SLC9A9: variants seen among roughly 807,000 people sequenced by gnomAD.
SLC9A9 encodes solute carrier family 9 member A9.
In SLC9A9, 62 loss-of-function variants were observed where a neutral mutation model predicts 77.8. The ratio of observed to expected loss-of-function variants is 0.80; its 90% CI spans 0.65 to 0.98. SLC9A9 has a LOEUF of 0.98. Ranked by LOEUF, SLC9A9 falls within the 50% of genes least tolerant of loss-of-function variation. The probability of loss-of-function intolerance (pLI) is 0.00; values close to 1 mark genes in which losing one functional copy is unlikely to be tolerated. For synonymous variants in SLC9A9, 320 were observed against 283.5 expected, an observed-to-expected ratio of 1.13 and a Z score of -1.29; for missense variants, 775 against 774.9, an observed-to-expected ratio of 1.00 and a Z score of 0.00.
intron 14 of SLC9A9, among the ~76,000 whole-genome samples, chr3:143,270,724 T>C (rs565844598): frequency 6.6e-6 from 1 of 152,090 alleles, no homozygotes; most frequent in East Asian, 1.9e-4. Flanking sequence ...GAAAGAGGCC[T>C]GAGCAACTTC....
chr3:143,452,817 A>T (rs892917782), intron 12 of SLC9A9, among the ~76,000 whole-genome samples: 12 of 150,826 alleles, frequency 8.0e-5, no homozygotes, highest in East Asian at 3.9e-4. Flanking sequence ...TTTGGTTATC[A>T]AAGAGAATGT....
rs1042595815 is a variant in SLC9A9 at position 143,440,712 on chromosome 3, G to C, written c.1469+26325C>G. On this transcript the variant is annotated intron_variant, in intron 12 of 15. Coordinates refer to ENST00000316549, the MANE Select transcript of SLC9A9 (RefSeq NM_173653.4). ...AATGTAGTGATACTCTCTTTGATGT[G>C]AAATTACAAAATGATAAACAGCTTG... Among the ~76,000 whole-genome samples, 27 of 152,224 alleles carry C rather than the reference G, an allele frequency of 1.8e-4. 1 individual carries two copies. The highest frequency in any genetic ancestry group is 5.5e-4 in the African/African-American group (23 of 41,454).
intron 9 of SLC9A9, among the ~76,000 whole-genome samples, chr3:143,502,722 G>A (rs1275508520): frequency 4.6e-5 from 7 of 152,138 alleles, no homozygotes; most frequent in African/African-American, 1.7e-4. Context: ...ACTTGTCTAT[G>A]AAAGGCACTG....
intron 14 of SLC9A9, among the ~76,000 whole-genome samples, chr3:143,302,386 A>T (rs2030560041): frequency 1.3e-5 from 2 of 152,210 alleles, no homozygotes; most frequent in Admixed American, 1.3e-4. Context: ...GAACCAAAAG[A>T]TGCCAGAAAA....
chr3:143,703,205 A>G (rs1313741845), intron 4 of SLC9A9, among the ~76,000 whole-genome samples: 5 of 152,118 alleles, frequency 3.3e-5, no homozygotes, highest in African/African-American at 9.7e-5. Context: ...CTTACTCTAC[A>G]CTATAGACCA....
At chr3:143,695,776 G>A (rs1051959309) in intron 4 of SLC9A9, among the ~76,000 whole-genome samples, 3 of 152,110 alleles carry the variant, frequency 2.0e-5, no homozygotes, top group Non-Finnish European at 4.4e-5. Flanking sequence ...CACAGTGGTT[G>A]AACTAATTTA....
intron 8 of SLC9A9, among the ~76,000 whole-genome samples, chr3:143,559,821 A>T (rs2037050668): frequency 6.6e-6 from 1 of 152,234 alleles, no homozygotes; most frequent in Non-Finnish European, 1.5e-5. Context: ...GTAAAAAAGG[A>T]TATTTTTAAA....
intron 7 of SLC9A9, 99 bp from the exon 8 acceptor site, chr3:143,574,292 C>A (rs765203926): frequency 8.5e-5 from 84 of 984,896 alleles, no homozygotes; most frequent in Middle Eastern, 6.3e-4. Context: ...AGCTCTAGAG[C>A]AAAGTAAAAG....
chr3:143,363,365 A>C (rs754307585), intron 14 of SLC9A9, 119 bp downstream of exon 14: 39 of 907,474 alleles, frequency 4.3e-5, no homozygotes, highest in Non-Finnish European at 6.1e-5. Context: ...TTTGGCTGTG[A>C]ATTCACTTTA....
chr3:143,475,252 C>T (rs2035455225), intron 11 of SLC9A9, among the ~76,000 whole-genome samples: 1 of 151,564 alleles, frequency 6.6e-6, no homozygotes, highest in Admixed American at 6.6e-5. Flanking sequence ...CAGGCGTGAG[C>T]CACTGTGCCT....
chr3:143,549,139 G>C (rs188205050), intron 9 of SLC9A9, among the ~76,000 whole-genome samples: 1 of 152,318 alleles, frequency 6.6e-6, no homozygotes, highest in Admixed American at 6.5e-5. Context: ...AGTTTCAGAA[G>C]GGACACAGTG....
intron 14 of SLC9A9, among the ~76,000 whole-genome samples, chr3:143,309,417 CA>C (rs10569058): frequency 0.17 from 23,307 of 137,208 alleles, 1,848 homozygotes; most frequent in Middle Eastern, 0.35. Context: ...AACAGAAAAG[CA>C]AAAAAAAAAA....
intron 6 of SLC9A9, among the ~76,000 whole-genome samples, chr3:143,608,267 A>C (rs768565168): frequency 6.6e-6 from 1 of 152,206 alleles, no homozygotes; most frequent in Non-Finnish European, 1.5e-5. Context: ...AGAATCAGCA[A>C]CTTGCCCTTT....
intron 8 of SLC9A9, among the ~76,000 whole-genome samples, chr3:143,563,827 A>G (rs2037125299): frequency 6.6e-6 from 1 of 152,278 alleles, no homozygotes; most frequent in African/African-American, 2.4e-5. Flanking sequence ...TCTGTAATAT[A>G]AATGGTTCAG....
intron 3 of SLC9A9, among the ~76,000 whole-genome samples, chr3:143,795,298 A>C (rs561087888): frequency 4.3e-5 from 6 of 140,200 alleles, no homozygotes; most frequent in African/African-American, 1.5e-4. Flanking sequence ...AAAAAAAAAA[A>C]AACCCACTGG....
chr3:143,557,539 G>T (rs1487240501), intron 8 of SLC9A9, among the ~76,000 whole-genome samples: 1 of 152,198 alleles, frequency 6.6e-6, no homozygotes, highest in African/African-American at 2.4e-5. Context: ...AAGACAGGAA[G>T]ATATGGGAAA....
chr3:143,708,934 G>C (rs143450041), intron 4 of SLC9A9, among the ~76,000 whole-genome samples: 1 of 152,172 alleles, frequency 6.6e-6, no homozygotes, highest in African/African-American at 2.4e-5. Flanking sequence ...GTGATAAAAG[G>C]TTCAGAGGAG....
At chr3:143,435,166 T>G (rs1267639291) in intron 12 of SLC9A9, among the ~76,000 whole-genome samples, 2 of 152,014 alleles carry the variant, frequency 1.3e-5, no homozygotes, top group Admixed American at 1.3e-4. Flanking sequence ...TAATATTTTA[T>G]ATTACAAAAA....
chr3:143,329,018 T>A (rs1226346976), intron 14 of SLC9A9, among the ~76,000 whole-genome samples: 1 of 152,216 alleles, frequency 6.6e-6, no homozygotes, highest in East Asian at 1.9e-4. Flanking sequence ...GAGTTGACCT[T>A]TGCAAGCAGT....
Sources: gnomAD v4.1 joint callset for allele counts (sites outside exome capture counted in the v4.1 genomes callset) on GRCh38, gnomAD v4.1.1 for gene constraint, MANE v1.5 for transcripts, NCBI Gene and HGNC (gene_info 2026-07-23, HGNC 2026-07-21) for gene names.